ARHGAP21: variants seen among roughly 807,000 people sequenced by gnomAD.
ARHGAP21 encodes Rho GTPase activating protein 21.
A neutral mutation model predicts 164.6 loss-of-function variants in ARHGAP21; 38 were observed. The ratio of observed to expected loss-of-function variants is 0.23; its 90% CI spans 0.18 to 0.30. The LOEUF (loss-of-function observed/expected upper bound fraction) is 0.30, where lower values mean the gene tolerates loss of function less well. Ranked by LOEUF, ARHGAP21 falls within the 10% of genes least tolerant of loss-of-function variation. The pLI is 1.00. For missense variants in ARHGAP21, 1,822 were observed against 2,370.7 expected (o/e 0.77, Z 4.81); for synonymous variants, 766 against 857.9 (o/e 0.89, Z 1.87).
At chr10:24,702,379 C>T (rs1843764926) in intron 2 of ARHGAP21, among the ~76,000 whole-genome samples, 1 of 151,970 alleles carries the variant, frequency 6.6e-6, no homozygotes, top group Non-Finnish European at 1.5e-5. Flanking sequence ...GATCCGCCTG[C>T]CTCAGCCTCC....
chr10:24,613,738 C>T (rs541269648), intron 9 of ARHGAP21, among the ~76,000 whole-genome samples: 1 of 152,270 alleles, frequency 6.6e-6, no homozygotes, highest in South Asian at 2.1e-4. Flanking sequence ...AGGGAGGTGA[C>T]AAAATCAGAG....
rs1846151125 is a variant in ARHGAP21 at position 24,723,685 on chromosome 10, G to GCCT, written c.-505_-504insAGG. The GCCT allele has an allele frequency of 6.7e-6, 1 of 148,412 alleles. No individual in the cohort carries two copies. Among genetic ancestry groups the GCCT allele is most frequent in the Non-Finnish European group, 1.5e-5 (1 of 67,642 alleles). 9.2% of individuals were successfully genotyped at this position (148,412 alleles called of 1,614,324 possible). On this transcript the variant is annotated 5_prime_UTR_variant, in exon 1 of 26. Coordinates refer to ENST00000396432, the MANE Select transcript of ARHGAP21 (RefSeq NM_020824.4). Reference sequence around the variant, plus strand: ...CGATCCCGCGCTGCCCGCCGCCGCCGCCGCCGCCGCCGCCGCGCTCCGAGG... The same window carrying GCCT: ...CGATCCCGCGCTGCCCGCCGCCGCCGCCTCCGCCGCCGCCGCCGCGCTCCGAGG...
intron 2 of ARHGAP21, among the ~76,000 whole-genome samples, chr10:24,704,792 G>A (rs1359786795): frequency 6.6e-6 from 1 of 152,042 alleles, no homozygotes; most frequent in East Asian, 1.9e-4. Flanking sequence ...TTTTGGTAGA[G>A]ATAGGGTTTC....
intron 2 of ARHGAP21, among the ~76,000 whole-genome samples, chr10:24,688,773 G>A (rs376398435): frequency 2.0e-4 from 30 of 152,200 alleles, no homozygotes; most frequent in East Asian, 3.9e-4. Flanking sequence ...GTTAAGCTCC[G>A]TCCTAAAAGA....
At chr10:24,633,324 T>TAGAA in intron 6 of ARHGAP21, 78 bp downstream of exon 6, 2 of 1,020,308 alleles carry the variant, frequency 2.0e-6, no homozygotes, top group Admixed American at 4.6e-5. Flanking sequence ...CTTGTAAGAA[T>TAGAA]AGAAGATTGT....
At chr10:24,667,674 C>G (rs1339556764) in intron 3 of ARHGAP21, among the ~76,000 whole-genome samples, 1 of 151,982 alleles carries the variant, frequency 6.6e-6, no homozygotes, top group African/African-American at 2.4e-5. Flanking sequence ...CTACCATGTA[C>G]CTTAGAAAGA....
Position 24,585,516 on chromosome 10 carries a change from C to T in ARHGAP21, c.4773G>A (p.Ser1591=), listed in dbSNP as rs1334071104. 25 of 1,614,036 alleles carry T rather than the reference C, an allele frequency of 1.5e-5. No homozygotes were observed. The highest frequency in any genetic ancestry group is 4.0e-5 in the African/African-American group (3 of 74,906). The part of the protein sequence containing the change: ...STITSDYSTT[S]SATYLTSLDS... The stretch of plus-strand genomic sequence containing the variant: ...CCAGGCTAGTCAAGTATGTAGCAGA[C>T]GATGTGGTGGAATAATCTGAGGTGA... Residue 1591 remains serine, a synonymous_variant, in exon 26 of 26, where the codon TCG becomes TCA. Coordinates refer to ENST00000396432, the MANE Select transcript of ARHGAP21 (RefSeq NM_020824.4).
intron 4 of ARHGAP21, among the ~76,000 whole-genome samples, chr10:24,655,451 G>A (rs1197483612): frequency 6.6e-6 from 1 of 152,182 alleles, no homozygotes; most frequent in Admixed American, 6.5e-5. Flanking sequence ...CCATCAAAAA[G>A]TGGGCAAAAG....
In ARHGAP21 at chr10:24,686,806, G is replaced by A. The variant is rs1455087612; in HGVS notation, c.64-16409C>T. Among the ~76,000 whole-genome samples, 3 of 152,142 alleles carry A rather than the reference G, an allele frequency of 2.0e-5. 1 individual carries two copies. Among genetic ancestry groups the A allele is most frequent in the South Asian group, 4.1e-4 (2 of 4,822 alleles). On this transcript the variant is annotated intron_variant, in intron 2 of 25. Transcript: ENST00000396432. The stretch of plus-strand genomic sequence containing the variant: ...TTATGACTGTTTTCACATGTTTCCC[G>A]TGTACTAACTGAATAAACTATTCCT...
chr10:24,683,797 TC>T (rs1841991640), intron 2 of ARHGAP21, among the ~76,000 whole-genome samples: 3 of 152,192 alleles, frequency 2.0e-5, no homozygotes, highest in Non-Finnish European at 4.4e-5. Flanking sequence ...CATGCACACA[TC>T]TCACACAATG....
intron 12 of ARHGAP21, among the ~76,000 whole-genome samples, chr10:24,602,743 T>C (rs1219827007): frequency 6.6e-6 from 1 of 151,812 alleles, no homozygotes; most frequent in Non-Finnish European, 1.5e-5. Context: ...CTGTCAAGAG[T>C]GGATTCTAAA....
chr10:24,697,221 G>C (rs967005018), intron 2 of ARHGAP21, among the ~76,000 whole-genome samples: 1 of 152,150 alleles, frequency 6.6e-6, no homozygotes, highest in Non-Finnish European at 1.5e-5. Flanking sequence ...CAGAGGAAAA[G>C]GACAGCTGGA....
At chr10:24,604,529 C>G (rs1175385066) in intron 11 of ARHGAP21, among the ~76,000 whole-genome samples, 181 bp from the exon 12 acceptor site, 2 of 152,084 alleles carry the variant, frequency 1.3e-5, no homozygotes, top group African/African-American at 4.8e-5. Flanking sequence ...AAATGTTCCA[C>G]CTAATAATTA....
At chr10:24,673,814 A>G (rs1840949124) in intron 2 of ARHGAP21, among the ~76,000 whole-genome samples, 1 of 152,110 alleles carries the variant, frequency 6.6e-6, no homozygotes, top group South Asian at 2.1e-4. Context: ...GTGAGCCGAG[A>G]TTACACCACT....
chr10:24,678,577 G>A (rs1390900730), intron 2 of ARHGAP21, among the ~76,000 whole-genome samples: 1 of 152,078 alleles, frequency 6.6e-6, no homozygotes, highest in Admixed American at 6.6e-5. Context: ...CCGGCTCACT[G>A]CAGCCTTAAC....
chr10:24,696,677 A>G (rs1252526081), intron 2 of ARHGAP21, among the ~76,000 whole-genome samples: 1 of 152,214 alleles, frequency 6.6e-6, no homozygotes, highest in Admixed American at 6.5e-5. Context: ...AAGTTTGGAA[A>G]AAATGATGGC....
At chr10:24,656,162 T>TG (rs779157011) in intron 4 of ARHGAP21, among the ~76,000 whole-genome samples, 28,190 of 113,890 alleles carry the variant, frequency 0.25, 3,476 homozygotes, top group East Asian at 0.26. Flanking sequence ...GGGAGGGAGG[T>TG]GGGGGGGGTC....
intron 4 of ARHGAP21, among the ~76,000 whole-genome samples, chr10:24,650,582 G>A (rs934862285): frequency 6.6e-6 from 1 of 152,094 alleles, no homozygotes; most frequent in Admixed American, 6.6e-5. Context: ...TCTCAGAAAA[G>A]AGAAAAATAT....
At chr10:24,693,258 AC>A (rs1842892106) in intron 2 of ARHGAP21, among the ~76,000 whole-genome samples, 1 of 152,238 alleles carries the variant, frequency 6.6e-6, no homozygotes, top group African/African-American at 2.4e-5. Context: ...ATTTACAAAA[AC>A]AAACATGAAT....
Sources: gnomAD v4.1 joint callset for allele counts (sites outside exome capture counted in the v4.1 genomes callset) on GRCh38, gnomAD v4.1.1 for gene constraint, MANE v1.5 for transcripts, NCBI Gene and HGNC (gene_info 2026-07-23, HGNC 2026-07-21) for gene names.